STK32B: variants seen among roughly 807,000 people sequenced by gnomAD.
STK32B encodes the protein serine/threonine-protein kinase 32B.
Under a neutral mutation model 52.6 loss-of-function variants are expected in STK32B, and 43 were observed. That is an observed-to-expected ratio of 0.82 (90% CI 0.64 to 1.05). The LOEUF (loss-of-function observed/expected upper bound fraction) is 1.05. STK32B is among the 50% of genes least tolerant of loss of function. STK32B has a pLI of 0.00. For missense variants in STK32B, 621 were observed against 534.6 expected (o/e 1.16, Z -1.59); for synonymous variants, 238 against 204.3 (o/e 1.17, Z -1.41).
intron 6 of STK32B, among the ~76,000 whole-genome samples, chr4:5,429,504 A>G (rs956537463): frequency 1.6e-4 from 24 of 152,010 alleles, no homozygotes; most frequent in Non-Finnish European, 2.5e-4. Context: ...CTGTTACAGC[A>G]TGTGTAATCT....
chr4:5,162,585 C>A (rs1718532106), intron 2 of STK32B, among the ~76,000 whole-genome samples: 1 of 152,144 alleles, frequency 6.6e-6, no homozygotes, highest in African/African-American at 2.4e-5. Flanking sequence ...TTTATTTGTC[C>A]CATTAAGTTG....
At chr4:5,390,603 T>G (rs1026995208) in intron 4 of STK32B, among the ~76,000 whole-genome samples, 15 of 151,442 alleles carry the variant, frequency 9.9e-5, no homozygotes, top group African/African-American at 3.6e-4. Flanking sequence ...CCTCTGTGTG[T>G]ACCTGGTCTC....
intron 4 of STK32B, among the ~76,000 whole-genome samples, chr4:5,381,564 A>G (rs1000019709): frequency 6.6e-6 from 1 of 152,224 alleles, no homozygotes; most frequent in Non-Finnish European, 1.5e-5. Flanking sequence ...AGCACATGCT[A>G]GGGGCTGGCC....
At chr4:5,281,257 T>C (rs1209699792) in intron 3 of STK32B, among the ~76,000 whole-genome samples, 1 of 152,170 alleles carries the variant, frequency 6.6e-6, no homozygotes, top group African/African-American at 2.4e-5. Context: ...TGACATGAGA[T>C]TTTGGTGGGG....
Position 5,195,813 on chromosome 4 carries a change from C to T in STK32B, c.260+27363C>T, listed in dbSNP as rs138323409. Among the ~76,000 whole-genome samples the T allele has an allele frequency of 3.0e-4, 45 of 152,350 alleles. 1 individual carries two copies. The highest frequency in any genetic ancestry group is 3.4e-3 in the Middle Eastern group (1 of 294). Reference sequence around the variant, plus strand: ...CACTTGGTCATATGTGCACCACCTTCCTGTCTGAGAACCACCTGCACTATT... The same window carrying T: ...CACTTGGTCATATGTGCACCACCTTTCTGTCTGAGAACCACCTGCACTATT... On this transcript the variant is annotated intron_variant, in intron 3 of 11. Transcript: ENST00000282908.
rs116091147 is a variant in STK32B, at chr4:5,202,778, C to T, written c.260+34328C>T. ...AGCCCCAGGTGTCATTGGTTCCATCCCCTCATGTCTGTAATTTCAGGAGTA... is the reference window on the plus strand; with the variant it reads ...AGCCCCAGGTGTCATTGGTTCCATCTCCTCATGTCTGTAATTTCAGGAGTA... On this transcript the variant is annotated intron_variant, in intron 3 of 11. Transcript: ENST00000282908. Among the ~76,000 whole-genome samples the T allele has an allele frequency of 5.6e-3, 852 of 152,336 alleles. 6 individuals carry two copies. The highest frequency in any genetic ancestry group is 0.019 in the African/African-American group (786 of 41,574).
intron 5 of STK32B, among the ~76,000 whole-genome samples, chr4:5,404,883 T>G (rs867333399): frequency 1.2e-4 from 17 of 143,056 alleles, no homozygotes; most frequent in African/African-American, 4.1e-4. Context: ...TTTTTTTTTT[T>G]TGAGATGGAG....
At chr4:5,201,933 G>A (rs1376739131) in intron 3 of STK32B, among the ~76,000 whole-genome samples, 1 of 152,048 alleles carries the variant, frequency 6.6e-6, no homozygotes, top group Non-Finnish European at 1.5e-5. Flanking sequence ...TCTGGCCCTG[G>A]CCCCTCCCAA....
At chr4:5,475,496 C>G (rs1388434006) in intron 11 of STK32B, among the ~76,000 whole-genome samples, 2 of 147,032 alleles carry the variant, frequency 1.4e-5, no homozygotes, top group African/African-American at 5.0e-5. Context: ...GTCAGGAGTT[C>G]AAAACCAACC....
chr4:5,271,456 C>G (rs1484764322), intron 3 of STK32B, among the ~76,000 whole-genome samples: 3 of 151,778 alleles, frequency 2.0e-5, no homozygotes, highest in Non-Finnish European at 4.4e-5. Context: ...CAGCTTTGTT[C>G]TTTTGGCTTA....
Position 5,457,376 on chromosome 4 carries a change from C to T in STK32B, c.783+453C>T, listed in dbSNP as rs376196114. ...GACTACAGGCACCCGCCAACACGCC[C>T]GGCTAATTTTTTGTATTTTTAGTAG... On this transcript the variant is annotated intron_variant, in intron 8 of 11. Coordinates refer to ENST00000282908, the MANE Select transcript of STK32B (RefSeq NM_018401.3). Among the ~76,000 whole-genome samples, 152 of 151,300 alleles carry T rather than the reference C, an allele frequency of 1.0e-3. 1 individual carries two copies. Among genetic ancestry groups the T allele is most frequent in the African/African-American group, 3.4e-3 (139 of 41,366 alleles).
chr4:5,390,727 T>A (rs534355436), intron 4 of STK32B, among the ~76,000 whole-genome samples: 23 of 152,248 alleles, frequency 1.5e-4, no homozygotes, highest in African/African-American at 5.5e-4. Context: ...TGGATGGCTT[T>A]AATCAACAGA....
At chr4:5,166,344 C>T (rs939070747) in intron 2 of STK32B, among the ~76,000 whole-genome samples, 3 of 151,460 alleles carry the variant, frequency 2.0e-5, no homozygotes, top group African/African-American at 7.3e-5. Flanking sequence ...CTCTGTGAAG[C>T]GGGGATAGTA....
At chr4:5,314,559 A>C (rs934327618) in intron 3 of STK32B, among the ~76,000 whole-genome samples, 1 of 152,062 alleles carries the variant, frequency 6.6e-6, no homozygotes, top group Non-Finnish European at 1.5e-5. Flanking sequence ...AATGCCAGCT[A>C]CTCGGGAGGC....
chr4:5,074,473 A>T (rs181337174), intron 1 of STK32B, among the ~76,000 whole-genome samples: 1 of 151,694 alleles, frequency 6.6e-6, no homozygotes. Context: ...GCTAATTTCA[A>T]CATCTTAGTC....
At chr4:5,357,741 A>T (rs1345200898) in intron 4 of STK32B, among the ~76,000 whole-genome samples, 1 of 126,802 alleles carries the variant, frequency 7.9e-6, no homozygotes, top group Non-Finnish European at 1.6e-5. Flanking sequence ...ATCACATACT[A>T]AGCCTCAATA....
At chr4:5,365,109 C>T (rs1038220342) in intron 4 of STK32B, among the ~76,000 whole-genome samples, 2 of 152,124 alleles carry the variant, frequency 1.3e-5, no homozygotes, top group African/African-American at 4.8e-5. Flanking sequence ...CTCCTGACCT[C>T]AGGTGATCCA....
At chr4:5,203,622 C>T (rs1459901503) in intron 3 of STK32B, among the ~76,000 whole-genome samples, 2 of 152,300 alleles carry the variant, frequency 1.3e-5, no homozygotes, top group East Asian at 3.9e-4. Flanking sequence ...TCTGTTATGT[C>T]CTCAGTGCCT....
chr4:5,171,076 C>G (rs1719332306), intron 3 of STK32B, among the ~76,000 whole-genome samples: 1 of 152,122 alleles, frequency 6.6e-6, no homozygotes, highest in African/African-American at 2.4e-5. Context: ...AGCATTTTTT[C>G]ATGTGTTTTT....
Sources: gnomAD v4.1 joint callset for allele counts (sites outside exome capture counted in the v4.1 genomes callset) on GRCh38, gnomAD v4.1.1 for gene constraint, MANE v1.5 for transcripts, NCBI Gene and HGNC (gene_info 2026-07-23, HGNC 2026-07-21) for gene names.